Variants in CDKAL1 observed in about 807,000 individuals in gnomAD.
CDKAL1 encodes threonylcarbamoyladenosine tRNA methylthiotransferase.
A neutral mutation model predicts 68.2 loss-of-function variants in CDKAL1; 32 were observed. That is an observed-to-expected ratio of 0.47 (90% CI 0.35 to 0.63). The LOEUF is 0.63. Ranked by LOEUF, CDKAL1 falls within the 30% of genes least tolerant of loss-of-function variation. CDKAL1 has a pLI of 0.00. For missense variants in CDKAL1, 606 were observed against 696.7 expected (o/e 0.87, Z 1.47); for synonymous variants, 234 against 244.3 (o/e 0.96, Z 0.39).
intron 9 of CDKAL1, among the ~76,000 whole-genome samples, chr6:20,890,265 C>T (rs1392280896): frequency 6.6e-6 from 1 of 152,330 alleles, no homozygotes; most frequent in Middle Eastern, 3.4e-3. Flanking sequence ...CTGTAAGCTA[C>T]ATCTTGATGT....
chr6:21,031,645 C>T (rs9460587), intron 11 of CDKAL1, among the ~76,000 whole-genome samples: 296 of 151,990 alleles, frequency 1.9e-3, no homozygotes, highest in African/African-American at 6.5e-3. Context: ...AGGTAGAAGT[C>T]GGGATTGGGA....
chr6:21,029,331 A>G (rs1769136228), intron 11 of CDKAL1, among the ~76,000 whole-genome samples: 1 of 152,264 alleles, frequency 6.6e-6, no homozygotes. Flanking sequence ...AAGTGCTGGG[A>G]TTACAGGCAT....
Position 20,781,145 on chromosome 6 carries a change from G to A in CDKAL1, c.518G>A (p.Gly173Asp). 1 of 1,612,548 alleles carries A rather than the reference G, an allele frequency of 6.2e-7. No homozygotes were observed. Among genetic ancestry groups the A allele is most frequent in the Non-Finnish European group, 8.5e-7 (1 of 1,179,628 alleles). Residue 173 changes from glycine (G) to aspartate (D), a missense_variant and splice_region_variant, in exon 8 of 16, where the codon GGT becomes GAT. By Grantham distance (94) the Gly-to-Asp change is moderately conservative. Coordinates refer to ENST00000274695, the MANE Select transcript of CDKAL1 (RefSeq NM_017774.3). The part of the protein sequence containing the change: ...VVEVVEETIK[G>D]HSVRLLGQKK... ...GTATATTTATGTGCTTGATTTGAAGGTCACTCTGTGAGACTGCTGGGTCAG... is the reference window on the plus strand; with the variant it reads ...GTATATTTATGTGCTTGATTTGAAGATCACTCTGTGAGACTGCTGGGTCAG...
chr6:21,130,809 C>T (rs552411219), intron 13 of CDKAL1, among the ~76,000 whole-genome samples: 1 of 152,202 alleles, frequency 6.6e-6, no homozygotes, highest in Admixed American at 6.5e-5. Context: ...ACAGCCATCG[C>T]CCAAAGAGTA....
intron 4 of CDKAL1, among the ~76,000 whole-genome samples, chr6:20,570,599 C>T (rs1764660716): frequency 6.6e-6 from 1 of 152,172 alleles, no homozygotes; most frequent in African/African-American, 2.4e-5. Flanking sequence ...CAGAGTTTCA[C>T]TGTGTTGGCC....
chr6:21,178,447 ACTCAAATAGT>A (rs1777668597), intron 13 of CDKAL1, among the ~76,000 whole-genome samples: 1 of 152,192 alleles, frequency 6.6e-6, no homozygotes, highest in African/African-American at 2.4e-5. Flanking sequence ...GTAATTCTGA[ACTCAAATAGT>A]GAAGAGGAAG....
rs554163590 is a variant in CDKAL1, at chr6:20,762,520, G to A, written c.517+3877G>A. Among the ~76,000 whole-genome samples the A allele has an allele frequency of 3.3e-5, 5 of 152,212 alleles. No homozygotes were observed. In the East Asian group the frequency reaches 5.8e-4, roughly 18 times the overall value. On this transcript the variant is annotated intron_variant, in intron 7 of 15. Coordinates refer to ENST00000274695, the MANE Select transcript of CDKAL1 (RefSeq NM_017774.3). The stretch of plus-strand genomic sequence containing the variant: ...GCCTATCAGTCAACTTCTGTTCTTC[G>A]CTTTCTATGTCTACTGCCAGTACTT...
intron 13 of CDKAL1, among the ~76,000 whole-genome samples, chr6:21,171,000 C>G (rs1777361584): frequency 6.6e-6 from 1 of 152,042 alleles, no homozygotes; most frequent in African/African-American, 2.4e-5. Flanking sequence ...TGATTACCCA[C>G]TTTTATTAGT....
chr6:21,015,952 A>G (rs1457520379), intron 11 of CDKAL1, among the ~76,000 whole-genome samples: 1 of 151,476 alleles, frequency 6.6e-6, no homozygotes, highest in Non-Finnish European at 1.5e-5. Flanking sequence ...TGACTCAAAA[A>G]AAAAAAAAAA....
intron 7 of CDKAL1, among the ~76,000 whole-genome samples, chr6:20,771,753 GT>G (rs765542983): frequency 1.3e-5 from 2 of 152,106 alleles, no homozygotes; most frequent in Non-Finnish European, 2.9e-5. Context: ...TTAAAAGTGT[GT>G]GTTATCTGTC....
At chr6:20,921,483 A>G (rs1762955429) in intron 9 of CDKAL1, among the ~76,000 whole-genome samples, 1 of 152,182 alleles carries the variant, frequency 6.6e-6, no homozygotes, top group South Asian at 2.1e-4. Flanking sequence ...GAGAGGTTAC[A>G]TGACTTGCTC....
At chr6:21,017,910 G>C (rs1237560557) in intron 11 of CDKAL1, among the ~76,000 whole-genome samples, 1 of 151,630 alleles carries the variant, frequency 6.6e-6, no homozygotes, top group Non-Finnish European at 1.5e-5. Context: ...TGTTTTAAAG[G>C]GTGTTAGCTG....
At chr6:20,862,658 T>TGCGCGC (rs1425440623) in intron 9 of CDKAL1, among the ~76,000 whole-genome samples, 3 of 147,452 alleles carry the variant, frequency 2.0e-5, no homozygotes, top group Non-Finnish European at 3.0e-5. Flanking sequence ...TGTGTGTGTG[T>TGCGCGC]GTGTGCGCGC....
intron 8 of CDKAL1, among the ~76,000 whole-genome samples, chr6:20,839,051 A>G (rs762769514): frequency 2.4e-4 from 36 of 151,872 alleles, no homozygotes; most frequent in Non-Finnish European, 4.1e-4. Flanking sequence ...TTGTGTGTCA[A>G]TTGACATATT....
At chr6:21,132,753 T>A (rs538046646) in intron 13 of CDKAL1, among the ~76,000 whole-genome samples, 2 of 152,324 alleles carry the variant, frequency 1.3e-5, no homozygotes, top group South Asian at 2.1e-4. Context: ...TGGAAGAAAT[T>A]GTATTTCCTG....
At chr6:21,158,976 T>G (rs1054626199) in intron 13 of CDKAL1, among the ~76,000 whole-genome samples, 3 of 152,178 alleles carry the variant, frequency 2.0e-5, no homozygotes, top group Non-Finnish European at 4.4e-5. Flanking sequence ...GATGAAGTTT[T>G]GTTGTGACAA....
intron 9 of CDKAL1, among the ~76,000 whole-genome samples, chr6:20,883,818 C>A (rs1449090815): frequency 6.6e-6 from 1 of 152,010 alleles, no homozygotes; most frequent in East Asian, 1.9e-4. Flanking sequence ...AGGAGGAAAC[C>A]TTTTGATGGA....
intron 9 of CDKAL1, among the ~76,000 whole-genome samples, chr6:20,887,434 A>G (rs1761124386): frequency 6.6e-6 from 1 of 152,146 alleles, no homozygotes; most frequent in Admixed American, 6.5e-5. Context: ...TATCTGTAGA[A>G]GAATGGACAA....
intron 9 of CDKAL1, among the ~76,000 whole-genome samples, chr6:20,912,770 G>C (rs1762524295): frequency 6.6e-6 from 1 of 151,888 alleles, no homozygotes; most frequent in African/African-American, 2.4e-5. Context: ...GCTTACTCTG[G>C]TGGGTATAAG....
Sources: allele counts gnomAD v4.1 joint callset (sites outside exome capture counted in the v4.1 genomes callset), GRCh38; gene constraint gnomAD v4.1.1; transcripts MANE v1.5; gene names NCBI Gene and HGNC (gene_info 2026-07-23, HGNC 2026-07-21).